Variants in PDE1C observed in about 807,000 individuals in gnomAD.
PDE1C encodes phosphodiesterase 1C.
PDE1C carries 62 observed loss-of-function variants against 93.1 expected under a neutral mutation model. The ratio of observed to expected loss-of-function variants is 0.67; its 90% confidence interval spans 0.54 to 0.82. The LOEUF (loss-of-function observed/expected upper bound fraction) is 0.82, where lower values mean the gene tolerates loss of function less well. Ranked by LOEUF, PDE1C falls within the 40% of genes least tolerant of loss-of-function variation. PDE1C has a pLI of 0.00. For synonymous variants in PDE1C, 325 were observed against 310.1 expected, an observed-to-expected ratio of 1.05 and a Z score of -0.50; for missense variants, 742 against 884.6, an observed-to-expected ratio of 0.84 and a Z score of 2.04.
At chr7:32,303,243 T>C (rs1812919647), upstream of PDE1C, among the ~76,000 whole-genome samples, 1 of 152,194 alleles carries the variant, frequency 6.6e-6, no homozygotes. Context: ...TGTGAGTTGC[T>C]ATTGCTTGAA....
chr7:31,768,172 G>A (rs1159833586), intron 17 of PDE1C, among the ~76,000 whole-genome samples: 2 of 152,204 alleles, frequency 1.3e-5, no homozygotes, highest in Non-Finnish European at 2.9e-5. Flanking sequence ...ATCAGCAGGT[G>A]CATGACTGCT....
chr7:31,698,179 A>G, the PDE1C span, among the ~76,000 whole-genome samples: 5 of 152,320 alleles, frequency 3.3e-5, no homozygotes, highest in Admixed American at 6.5e-5. Flanking sequence ...TTATAAAACT[A>G]TATTTCCCCA....
chr7:32,329,211 C>A (rs941859561), intron 1 of PDE1C, among the ~76,000 whole-genome samples: 1 of 152,076 alleles, frequency 6.6e-6, no homozygotes, highest in African/African-American at 2.4e-5. Flanking sequence ...CAGAGTGAGA[C>A]CTTGTCTCAA....
chr7:32,386,833 C>T (rs530751030), intron 1 of PDE1C, among the ~76,000 whole-genome samples: 219 of 152,090 alleles, frequency 1.4e-3, no homozygotes, highest in Non-Finnish European at 2.6e-3. Context: ...GAGGTTGATT[C>T]GATTTGCCCT....
At chr7:31,836,370 C>T (rs1349183834) in intron 11 of PDE1C, among the ~76,000 whole-genome samples, 1 of 152,064 alleles carries the variant, frequency 6.6e-6, no homozygotes, top group Admixed American at 6.6e-5. Context: ...GAGTCTCGCG[C>T]TGTCGCCAGG....
rs867925595 is a variant in PDE1C at position 32,193,920 on chromosome 7, T to G, written c.136+15569A>C. 8.2e-3 allele frequency among the ~76,000 whole-genome samples: 1,183 copies of G among 144,856 alleles called. 20 individuals carry two copies. The highest frequency in any genetic ancestry group is 0.028 in the African/African-American group (1,103 of 39,760). ...TTTTTTTTTTGGTTTTGTTTTGTTT[T>G]TTTTTTTTTTTTGAGACGGAGTCTC... On this transcript the variant is annotated intron_variant, in intron 2 of 18. Transcript: ENST00000396193.
chr7:31,703,669 G>A, the PDE1C span, among the ~76,000 whole-genome samples: 5 of 152,234 alleles, frequency 3.3e-5, no homozygotes, highest in African/African-American at 1.2e-4. Context: ...GCCTTCGGCA[G>A]ATGTTCAGAA....
At chr7:31,651,344 C>G in the PDE1C span, 13 of 1,518,028 alleles carry the variant, frequency 8.6e-6, no homozygotes, top group East Asian at 2.8e-4. Flanking sequence ...CAGGGCAGAA[C>G]AGAGGAGCAC....
chr7:31,880,140 G>GA lies in PDE1C; in HGVS notation c.242+606_242+607insT, dbSNP rs542302851. On this transcript the variant is annotated intron_variant, in intron 3 of 17. Coordinates refer to ENST00000396191, the MANE Select transcript of PDE1C (RefSeq NM_001191057.4). Reference sequence around the variant, plus strand: ...ACAGAGAAGCCTGTCTAAATTAGGGGGAAAAAAAACCACACCTTTCGTATT... The same window carrying GA: ...ACAGAGAAGCCTGTCTAAATTAGGGGAGAAAAAAAACCACACCTTTCGTATT... Among the ~76,000 whole-genome samples, 952 of 150,272 alleles carry GA rather than the reference G, an allele frequency of 6.3e-3. 11 individuals are homozygous for GA. The highest frequency in any genetic ancestry group is 0.021 in the African/African-American group (851 of 41,032).
At chr7:32,058,311 C>G (rs762846768) in intron 1 of PDE1C, among the ~76,000 whole-genome samples, 9 of 152,144 alleles carry the variant, frequency 5.9e-5, no homozygotes, top group Non-Finnish European at 1.0e-4. Context: ...TCAGTTCTCT[C>G]AAGGGATAGG....
At chr7:31,935,309 GCATTCTC>G (rs1804887182) in intron 2 of PDE1C, among the ~76,000 whole-genome samples, 1 of 152,110 alleles carries the variant, frequency 6.6e-6, no homozygotes, top group Non-Finnish European at 1.5e-5. Context: ...TGAGCCTGGG[GCATTCTC>G]CATTTCCTTT....
At chr7:32,106,004 A>G (rs1483866419) in intron 3 of PDE1C, among the ~76,000 whole-genome samples, 2 of 151,980 alleles carry the variant, frequency 1.3e-5, no homozygotes, top group African/African-American at 4.8e-5. Context: ...AGTTTTACTT[A>G]CTTGTATTTA....
chr7:31,657,679 CT>C, the PDE1C span, among the ~76,000 whole-genome samples: 7 of 151,016 alleles, frequency 4.6e-5, no homozygotes, highest in South Asian at 2.1e-4. Flanking sequence ...TCCTGTATTC[CT>C]TTTTTTTTGT....
intron 1 of PDE1C, among the ~76,000 whole-genome samples, chr7:32,409,493 T>C (rs1487347122): frequency 1.3e-5 from 2 of 152,150 alleles, no homozygotes; most frequent in Non-Finnish European, 2.9e-5. Context: ...AAGAGTATCA[T>C]TGCAAAAAGC....
chr7:31,682,749 A>G, the PDE1C span, among the ~76,000 whole-genome samples: 1 of 152,362 alleles, frequency 6.6e-6, no homozygotes, highest in Non-Finnish European at 1.5e-5. Context: ...TGAATGGGTT[A>G]GATAAATTGC....
At chr7:31,938,800 A>G (rs1291139689) in intron 2 of PDE1C, among the ~76,000 whole-genome samples, 1 of 152,220 alleles carries the variant, frequency 6.6e-6, no homozygotes. Flanking sequence ...CCTAGCACAT[A>G]AAACTACTCA....
At chr7:31,880,962 T>C in intron 2 of PDE1C, 102 bp from the exon 3 acceptor site, 1 of 746,354 alleles carries the variant, frequency 1.3e-6, no homozygotes, top group South Asian at 1.6e-5. Flanking sequence ...TTCTCACTTA[T>C]TCTGATACAT....
rs912564688 is a variant in PDE1C at position 31,896,955 on chromosome 7, G to T, written c.129-16095C>A. On this transcript the variant is annotated intron_variant, in intron 2 of 17. Transcript: ENST00000396191. Reference sequence around the variant, plus strand: ...CAGGATGTTAACATGCATTGCTGGAGAGAAGATTTCTGTTGCACAAATATT... The same window carrying T: ...CAGGATGTTAACATGCATTGCTGGATAGAAGATTTCTGTTGCACAAATATT... Among the ~76,000 whole-genome samples, 22 of 152,220 alleles carry T rather than the reference G, an allele frequency of 1.4e-4. 1 individual carries two copies. Among genetic ancestry groups the T allele is most frequent in the Non-Finnish European group, 1.5e-5 (1 of 68,042 alleles).
At chr7:32,017,867 C>A (rs940715227) in intron 2 of PDE1C, among the ~76,000 whole-genome samples, 11 of 151,788 alleles carry the variant, frequency 7.2e-5, no homozygotes, top group African/African-American at 2.7e-4. Flanking sequence ...TTGCTTGAGT[C>A]CAAGAGTTTG....
Sources: gnomAD v4.1 joint callset for allele counts (sites outside exome capture counted in the v4.1 genomes callset) on GRCh38, gnomAD v4.1.1 for gene constraint, MANE v1.5 for transcripts, NCBI Gene and HGNC (gene_info 2026-07-23, HGNC 2026-07-21) for gene names.